MYB: variants seen among roughly 807,000 people sequenced by gnomAD.
MYB encodes the protein MYB proto-oncogene, transcription factor.
MYB carries 28 observed loss-of-function variants against 92.9 expected under a neutral mutation model. That is an observed-to-expected ratio of 0.30 (90% CI 0.22 to 0.41). The LOEUF is 0.41. Ranked by LOEUF, MYB falls within the 10% of genes least tolerant of loss-of-function variation. MYB has a pLI of 1.00. For missense variants in MYB, 679 were observed against 929.3 expected (o/e 0.73, Z 3.50); for synonymous variants, 295 against 329.1 (o/e 0.90, Z 1.12).
intron 15 of MYB, among the ~76,000 whole-genome samples, chr6:135,211,702 C>T (rs1219306450): frequency 6.6e-6 from 1 of 152,126 alleles, no homozygotes; most frequent in East Asian, 1.9e-4. Context: ...ACATCGGGGA[C>T]AAACTCCAAA....
At chr6:135,189,991 G>T in intron 4 of MYB, 108 bp downstream of exon 4, 1 of 1,382,870 alleles carries the variant, frequency 7.2e-7, no homozygotes, top group Non-Finnish European at 1.0e-6. Flanking sequence ...GGAAGTAGAG[G>T]ACTCTATTCC....
intron 11 of MYB, chr6:135,199,545 C>A: frequency 9.3e-7 from 1 of 1,077,486 alleles, no homozygotes; most frequent in Non-Finnish European, 1.1e-6. Flanking sequence ...CTTCTGACAT[C>A]CCCAGGAATA....
chr6:135,191,367 G>T (rs1665038365), intron 5 of MYB, among the ~76,000 whole-genome samples: 1 of 152,160 alleles, frequency 6.6e-6, no homozygotes, highest in African/African-American at 2.4e-5. Flanking sequence ...GCATTAAAAT[G>T]ATGTAGATCA....
In MYB at chr6:135,197,155, C is replaced by G. The variant is rs562328504; in HGVS notation, c.1398C>G (p.Val466=). 1 of 1,613,978 alleles carries G rather than the reference C, an allele frequency of 6.2e-7. No homozygotes were observed. Among genetic ancestry groups the G allele is most frequent in the East Asian group, 2.2e-5 (1 of 44,884 alleles). ...LSESSLDPPK[V]LPPARHSTIP... is the part of the protein sequence containing the mutation. ...AGAGTTCACTTGACCCACCCAAGGT[C>G]TTACCTCCTGCAAGGCACAGCACAA... is the stretch of plus-strand genomic sequence containing the variant. The change falls in exon 10 of 16, where the codon GTC becomes GTG. Residue 466 remains valine (V), a synonymous_variant. Transcript: ENST00000341911.
chr6:135,199,039 G>C lies in MYB; in HGVS notation c.1698G>C (p.Lys566Asn). ...GAGACCAGACTGTGAAAACTCAAAA[G>C]GAAAATACTGTGTAAGTCTTTGGTT... ...FHRDQTVKTQ[K>N]ENTVFRTPAI... is the part of the protein sequence containing the mutation. The change falls in exon 11 of 16, where the codon AAG (lysine) becomes AAC (asparagine). Residue 566 changes from lysine to asparagine, a missense_variant. By Grantham distance (94) the Lys-to-Asn change is moderately conservative. Transcript: ENST00000341911. The C allele has an allele frequency of 6.3e-7, 1 of 1,597,996 alleles. No individual in the cohort carries two copies. The highest frequency in any genetic ancestry group is 8.5e-7 in the Non-Finnish European group (1 of 1,173,436).
At chr6:135,199,895 A>C (rs1777824691) in intron 11 of MYB, among the ~76,000 whole-genome samples, 190 bp from the exon 12 acceptor site, 2 of 152,226 alleles carry the variant, frequency 1.3e-5, no homozygotes, top group Admixed American at 1.3e-4. Context: ...AATATTTTGA[A>C]ATATTTGAAA....
At chr6:135,207,986 C>A (rs961843959) in intron 15 of MYB, among the ~76,000 whole-genome samples, 9 of 152,006 alleles carry the variant, frequency 5.9e-5, no homozygotes, top group African/African-American at 9.7e-5. Context: ...CTCGGCCTCC[C>A]AAAGTGCTGG....
intron 1 of MYB, among the ~76,000 whole-genome samples, chr6:135,183,530 G>A (rs532686925): frequency 6.6e-6 from 1 of 152,226 alleles, no homozygotes; most frequent in Non-Finnish European, 1.5e-5. Flanking sequence ...TCCTCTGACT[G>A]TTGGGTCTGA....
chr6:135,206,205 C>CAAAAAAAAAAAAAAAAAAAAAA (rs67836018), intron 15 of MYB, among the ~76,000 whole-genome samples: 3 of 87,364 alleles, frequency 3.4e-5, no homozygotes, highest in Non-Finnish European at 6.5e-5. Context: ...GACTCCATCT[C>CAAAAAAAAAAAAAAAAAAAAAA]AAAAAAAAAA....
intron 15 of MYB, among the ~76,000 whole-genome samples, chr6:135,214,565 A>C (rs1780172624): frequency 1.3e-5 from 2 of 152,034 alleles, no homozygotes; most frequent in African/African-American, 4.8e-5. Context: ...CTGTTTTGTC[A>C]CTTGTTCTTT....
intron 15 of MYB, among the ~76,000 whole-genome samples, chr6:135,206,598 C>T (rs1010193606): frequency 5.3e-5 from 8 of 151,200 alleles, no homozygotes; most frequent in African/African-American, 1.5e-4. Context: ...TGGGAGGCTG[C>T]GGCAGGAGAA....
chr6:135,212,384 C>T (rs1175116295), intron 15 of MYB, among the ~76,000 whole-genome samples: 1 of 151,754 alleles, frequency 6.6e-6, no homozygotes, highest in Non-Finnish European at 1.5e-5. Context: ...TTTTGTTCAG[C>T]TTGATGAAAA....
chr6:135,201,532 C>G, intron 13 of MYB, 107 bp from the exon 14 acceptor site: 2 of 615,020 alleles, frequency 3.3e-6, no homozygotes, highest in Middle Eastern at 2.8e-4. Flanking sequence ...AAGTTAGCAA[C>G]ATAGTTTTAT....
intron 15 of MYB, among the ~76,000 whole-genome samples, chr6:135,208,775 T>A (rs1481499303): frequency 6.6e-6 from 1 of 152,242 alleles, no homozygotes; most frequent in African/African-American, 2.4e-5. Flanking sequence ...ATATATAACC[T>A]AATACCATCA....
chr6:135,208,081 A>ATTTTTTTTTTAATT (rs562573028), intron 15 of MYB, among the ~76,000 whole-genome samples: 1 of 135,582 alleles, frequency 7.4e-6, no homozygotes. Context: ...TTTTTTTTTA[A>ATTTTTTTTTTAATT]TTTTTTTTTT....
chr6:135,201,713 A>G lies in MYB; in HGVS notation c.2025A>G (p.Gln675=), dbSNP rs767956338. The G allele has an allele frequency of 1.3e-6, 2 of 1,566,614 alleles. No homozygotes were observed. The highest frequency in any genetic ancestry group is 1.7e-6 in the Non-Finnish European group (2 of 1,151,274). Residue 675 remains glutamine, a synonymous_variant, in exon 14 of 16, where the codon CAA becomes CAG. Coordinates refer to ENST00000341911, the MANE Select transcript of MYB (RefSeq NM_001130173.2). ...HHWEGDSLNT[Q]LFTQTSPVAD... ...GGGAAGGGGACAGTCTGAATACCCA[A>G]CTGTTCACGCAGACCTCGCCTGTGG...
In MYB at chr6:135,182,385, C is replaced by T. The variant is rs914589806; in HGVS notation, c.23+849C>T. Among the ~76,000 whole-genome samples the T allele has an allele frequency of 6.6e-6, 1 of 152,234 alleles. No homozygotes were observed. Among genetic ancestry groups the T allele is most frequent in the African/African-American group, 2.4e-5 (1 of 41,472 alleles). ...CGGCCTCTGGACTTTCCCAGCAGCACACGCCGGGGCTCCCTGCGAGCGGCG... is the reference window on the plus strand; with the variant it reads ...CGGCCTCTGGACTTTCCCAGCAGCATACGCCGGGGCTCCCTGCGAGCGGCG... On this transcript the variant is annotated intron_variant, in intron 1 of 15. Transcript: ENST00000341911. This position sits in a 1 kb window ranked among gnomAD's most constrained non-coding sequence, Gnocchi z 5.6.
At chr6:135,195,709 TG>T (rs773849053) in intron 8 of MYB, 38 bp from the exon 9 acceptor site, 2 of 1,604,630 alleles carry the variant, frequency 1.2e-6, no homozygotes, top group South Asian at 2.2e-5. Context: ...CCCTTTCTTC[TG>T]TCCTCTCTTT....
chr6:135,195,119 TA>T, intron 8 of MYB: 4 of 1,244,420 alleles, frequency 3.2e-6, no homozygotes, highest in Non-Finnish European at 4.1e-6. Context: ...TTTTGTTAAA[TA>T]ATAAGATGTT....
Sources: allele counts gnomAD v4.1 joint callset (sites outside exome capture counted in the v4.1 genomes callset), GRCh38; gene constraint gnomAD v4.1.1; non-coding constraint Gnocchi (gnomAD v3.1); transcripts MANE v1.5; gene names NCBI Gene and HGNC (gene_info 2026-07-23, HGNC 2026-07-21).